The following AKT3 variants were observed in gnomAD, a reference collection of about 807,000 sequenced individuals.
AKT3 encodes RAC-gamma serine/threonine-protein kinase.
A neutral mutation model predicts 65.3 loss-of-function variants in AKT3; 15 were observed. The observed-to-expected ratio is 0.23, with a 90% CI of 0.15 to 0.35. The LOEUF is 0.35. Among genes scored for constraint, AKT3 ranks in the 10% least tolerant of loss-of-function variants. AKT3 has a pLI of 1.00. For missense variants in AKT3, 243 were observed against 576.5 expected (o/e 0.42, Z 5.92); for synonymous variants, 206 against 183.8 (o/e 1.12, Z -0.98).
At chr1:243,651,620 T>C (rs962079304) in intron 4 of AKT3, among the ~76,000 whole-genome samples, 4 of 152,220 alleles carry the variant, frequency 2.6e-5, no homozygotes, top group African/African-American at 7.2e-5. Context: ...TTGAGTTTTG[T>C]TGAAAGCCTT....
intron 2 of AKT3, among the ~76,000 whole-genome samples, chr1:243,711,169 A>G (rs1159462496): frequency 6.6e-6 from 1 of 152,070 alleles, no homozygotes; most frequent in Non-Finnish European, 1.5e-5. Flanking sequence ...AAATACAAAA[A>G]TTAGCCAGGT....
At chr1:243,492,747 A>G (rs1666872971) in intron 13 of AKT3, among the ~76,000 whole-genome samples, 1 of 150,338 alleles carries the variant, frequency 6.7e-6, no homozygotes, top group Middle Eastern at 3.5e-3. Flanking sequence ...AGCTGGGATT[A>G]CAGGTGCCTG....
At chr1:243,798,854 T>C (rs1488527116) in intron 2 of AKT3, among the ~76,000 whole-genome samples, 2 of 152,210 alleles carry the variant, frequency 1.3e-5, no homozygotes, top group Non-Finnish European at 2.9e-5. Flanking sequence ...GCTCTTTCAT[T>C]AGTCACCAAT....
intron 2 of AKT3, among the ~76,000 whole-genome samples, chr1:243,699,678 G>GAATGATGTACA: frequency 6.6e-6 from 1 of 150,924 alleles, no homozygotes; most frequent in East Asian, 2.0e-4. Flanking sequence ...AATGATGTAC[G>GAATGATGTACA]CACCCTAATC....
chr1:243,820,692 A>G (rs1307958875), intron 2 of AKT3, among the ~76,000 whole-genome samples: 1 of 152,208 alleles, frequency 6.6e-6, no homozygotes, highest in Non-Finnish European at 1.5e-5. Flanking sequence ...AAGTGGAGGA[A>G]AGAATTTCAG....
intron 2 of AKT3, among the ~76,000 whole-genome samples, chr1:243,766,668 A>C (rs796369890): frequency 1.9e-4 from 29 of 152,334 alleles, no homozygotes; most frequent in African/African-American, 7.0e-4. Flanking sequence ...TTGATTGTGG[A>C]GAACACATAG....
At chr1:243,534,008 C>CA (rs1221731073) in intron 12 of AKT3, among the ~76,000 whole-genome samples, 3 of 151,684 alleles carry the variant, frequency 2.0e-5, no homozygotes, top group African/African-American at 4.8e-5. Context: ...AAAAGAAAAA[C>CA]AAAAAAACCT....
At chr1:243,735,256 T>A (rs1687776786) in intron 2 of AKT3, 1 of 152,260 alleles carries the variant, frequency 6.6e-6, no homozygotes, top group Non-Finnish European at 1.5e-5. Flanking sequence ...TACACTTTTG[T>A]ACAAAACTGG....
chr1:243,517,551 G>A (rs967251727), intron 12 of AKT3, among the ~76,000 whole-genome samples: 1 of 152,112 alleles, frequency 6.6e-6, no homozygotes, highest in Non-Finnish European at 1.5e-5. Flanking sequence ...ATTATGAAAT[G>A]TTCCTCCTTA....
intron 6 of AKT3, among the ~76,000 whole-genome samples, chr1:243,633,537 T>C (rs930729919): frequency 5.3e-5 from 8 of 152,080 alleles, no homozygotes; most frequent in African/African-American, 1.9e-4. Flanking sequence ...AGTGGAGTTT[T>C]TGAGGGTTAT....
intron 2 of AKT3, among the ~76,000 whole-genome samples, chr1:243,751,022 G>A (rs1214494394): frequency 2.0e-5 from 3 of 152,130 alleles, no homozygotes; most frequent in Non-Finnish European, 2.9e-5. Context: ...GTGAGATAAT[G>A]CTTTGGAAAA....
intron 4 of AKT3, among the ~76,000 whole-genome samples, chr1:243,652,479 A>G (rs10927055): frequency 0.51 from 77,200 of 151,898 alleles, 23,707 homozygotes; most frequent in Non-Finnish European, 0.68. Context: ...AACTGATACC[A>G]GCCACTGCAA....
At chr1:243,822,451 G>C (rs1693910544) in intron 2 of AKT3, among the ~76,000 whole-genome samples, 1 of 138,012 alleles carries the variant, frequency 7.2e-6, no homozygotes, top group Non-Finnish European at 1.5e-5. Flanking sequence ...AGGAGAGAGA[G>C]ACACTAAAAA....
intron 2 of AKT3, among the ~76,000 whole-genome samples, chr1:243,707,259 G>A (rs187224087): frequency 1.3e-5 from 2 of 152,088 alleles, no homozygotes; most frequent in Admixed American, 1.3e-4. Flanking sequence ...TCTTTAATTT[G>A]TCTAGACTAT....
intron 8 of AKT3, chr1:243,613,076 T>TATATATAC (rs1553415157): frequency 3.4e-5 from 3 of 89,548 alleles, no homozygotes; most frequent in African/African-American, 9.9e-5. Flanking sequence ...TATATATATA[T>TATATATAC]ACACACACAC....
chr1:243,731,889 A>G (rs912884577), intron 2 of AKT3, among the ~76,000 whole-genome samples: 6 of 152,114 alleles, frequency 3.9e-5, no homozygotes, highest in Non-Finnish European at 2.9e-5. Flanking sequence ...ATGGGAAAAC[A>G]CTCAGTGAAA....
intron 2 of AKT3, among the ~76,000 whole-genome samples, chr1:243,774,594 AAAAAG>A (rs1468477987): frequency 2.0e-5 from 3 of 152,156 alleles, no homozygotes; most frequent in African/African-American, 4.8e-5. Context: ...GTTGTTTAAA[AAAAAG>A]AAAAGCCCCA....
At chr1:243,557,019 C>CTAAA (rs1365835878) in intron 10 of AKT3, among the ~76,000 whole-genome samples, 1 of 152,090 alleles carries the variant, frequency 6.6e-6, no homozygotes, top group African/African-American at 2.4e-5. Context: ...ATGCTGTACG[C>CTAAA]TTTATGGCCA....
chr1:243,562,704 A>T (rs1673882917), intron 10 of AKT3, among the ~76,000 whole-genome samples: 1 of 152,154 alleles, frequency 6.6e-6, no homozygotes, highest in Non-Finnish European at 1.5e-5. Flanking sequence ...CCAACAGCCC[A>T]AATAAGGTAC....
Sources: allele counts gnomAD v4.1 joint callset (sites outside exome capture counted in the v4.1 genomes callset), GRCh38; gene constraint gnomAD v4.1.1; transcripts MANE v1.5; gene names NCBI Gene and HGNC (gene_info 2026-07-23, HGNC 2026-07-21).